PXK: variants seen among roughly 807,000 people sequenced by gnomAD.
PXK encodes the protein PX domain containing serine/threonine kinase like.
PXK carries 35 observed loss-of-function variants against 84.7 expected under a neutral mutation model. The ratio of observed to expected loss-of-function variants is 0.41; its 90% CI spans 0.32 to 0.55. The LOEUF is 0.55. PXK is among the 20% of genes least tolerant of loss of function. The pLI, the probability that PXK is intolerant of heterozygous loss-of-function variation, is 0.21. For missense variants in PXK, 634 were observed against 699.7 expected (o/e 0.91, Z 1.06); for synonymous variants, 253 against 260.8 (o/e 0.97, Z 0.29).
intron 7 of PXK, 67 bp from the exon 8 acceptor site, chr3:58,394,931 G>A: frequency 1.6e-6 from 2 of 1,214,698 alleles, no homozygotes; most frequent in East Asian, 4.7e-5. Context: ...TGCATAACCA[G>A]ATCCTGTATT....
Position 58,414,813 on chromosome 3 carries a change from T to A in PXK, c.1528+1850T>A, listed in dbSNP as rs964968110. 6.6e-6 allele frequency among the ~76,000 whole-genome samples: 1 copy of A among 152,204 alleles called. No homozygotes were observed. The highest frequency in any genetic ancestry group is 1.5e-5 in the Non-Finnish European group (1 of 68,040). The stretch of plus-strand genomic sequence containing the variant: ...TCTGCTGGGCATTTCCTGTAATGCA[T>A]CTCATGAAAATGGTAACTAATATTT... On this transcript the variant is annotated intron_variant, in intron 17 of 17. Coordinates refer to ENST00000356151, the MANE Select transcript of PXK (RefSeq NM_017771.5). The surrounding 1 kb of genome is among the most constrained non-coding windows in gnomAD (Gnocchi z 4.5).
chr3:58,361,123 C>G (rs985849041), intron 1 of PXK, among the ~76,000 whole-genome samples: 2 of 151,508 alleles, frequency 1.3e-5, no homozygotes, highest in African/African-American at 4.9e-5. Flanking sequence ...GTGGCGAAAC[C>G]CCGTCTCTAC....
intron 1 of PXK, among the ~76,000 whole-genome samples, chr3:58,334,953 G>GTC (rs34846127): frequency 0.21 from 28,463 of 132,462 alleles, 2,685 homozygotes; most frequent in Non-Finnish European, 0.24. Flanking sequence ...GTGTGTGTGT[G>GTC]TGTGTCTGTG....
intron 1 of PXK, among the ~76,000 whole-genome samples, chr3:58,354,822 G>A (rs1276995082): frequency 6.6e-6 from 1 of 152,036 alleles, no homozygotes; most frequent in East Asian, 1.9e-4. Context: ...GAACATTTAA[G>A]ACCTGCTGGC....
intron 1 of PXK, among the ~76,000 whole-genome samples, chr3:58,359,412 T>C (rs1474120668): frequency 6.6e-6 from 1 of 150,884 alleles, no homozygotes; most frequent in East Asian, 2.0e-4. Context: ...TGCCTGTAAA[T>C]CCCAGCTACT....
chr3:58,377,932 G>T (rs1459343706), intron 3 of PXK, among the ~76,000 whole-genome samples: 2 of 152,116 alleles, frequency 1.3e-5, no homozygotes, highest in Non-Finnish European at 2.9e-5. Flanking sequence ...TTCCAGCATT[G>T]GCAGTACCAG....
chr3:58,391,911 G>A (rs12492879), intron 7 of PXK, 64 bp downstream of exon 7: 25,689 of 1,436,836 alleles, frequency 0.018, 317 homozygotes, highest in Admixed American at 0.054. Flanking sequence ...TTTTCTGGGT[G>A]AACATGGACA....
In PXK at chr3:58,370,026, C is replaced by T. The variant is rs903360050; in HGVS notation, c.201+548C>T. Reference sequence around the variant, plus strand: ...AAGTATTATTGTGCCAGACTGTATTCTTACCACAGTCATAGGAGGCTGACG... The same window carrying T: ...AAGTATTATTGTGCCAGACTGTATTTTTACCACAGTCATAGGAGGCTGACG... On this transcript the variant is annotated intron_variant, in intron 3 of 17. Coordinates refer to ENST00000356151, the MANE Select transcript of PXK (RefSeq NM_017771.5). This position sits in a 1 kb window ranked among gnomAD's most constrained non-coding sequence, Gnocchi z 4.2. 3.3e-5 allele frequency among the ~76,000 whole-genome samples: 5 copies of T among 152,158 alleles called. No homozygotes were observed. The highest frequency in any genetic ancestry group is 7.4e-5 in the Non-Finnish European group (5 of 68,022).
intron 17 of PXK, chr3:58,422,794 C>T: frequency 1.0e-6 from 1 of 985,440 alleles, no homozygotes; most frequent in Non-Finnish European, 1.2e-6. Flanking sequence ...GCCTGGAGGG[C>T]TAGTCAGTCT....
chr3:58,372,865 T>C (rs1276144970), intron 3 of PXK, among the ~76,000 whole-genome samples: 1 of 152,032 alleles, frequency 6.6e-6, no homozygotes, highest in Non-Finnish European at 1.5e-5. Flanking sequence ...AGTGAGCATA[T>C]TTTGTGGAAA....
At chr3:58,336,071 A>ATATATATATATATATATATTTT (rs1284780630) in intron 1 of PXK, among the ~76,000 whole-genome samples, 3 of 51,564 alleles carry the variant, frequency 5.8e-5, no homozygotes, top group Non-Finnish European at 9.8e-5. Context: ...ATATATATAT[A>ATATATATATATATATATATTTT]TTTTTTTTTT....
At chr3:58,424,274 T>C (rs948730501) in intron 17 of PXK, among the ~76,000 whole-genome samples, 6 of 152,218 alleles carry the variant, frequency 3.9e-5, no homozygotes, top group Admixed American at 1.3e-4. Flanking sequence ...ACATTGTGTA[T>C]GTTGGAGCAG....
At chr3:58,336,065 ATATATATTT>A (rs1392976296) in intron 1 of PXK, among the ~76,000 whole-genome samples, 35 of 57,118 alleles carry the variant, frequency 6.1e-4, no homozygotes, top group African/African-American at 2.5e-3. Flanking sequence ...ATATATATAT[ATATATATTT>A]TTTTTTTTTT....
chr3:58,367,994 C>G (rs1336372748), intron 2 of PXK, among the ~76,000 whole-genome samples: 1 of 150,706 alleles, frequency 6.6e-6, no homozygotes, highest in Non-Finnish European at 1.5e-5. Flanking sequence ...CTTGTCTGTT[C>G]TTCTTTTTTT....
rs964091186 is a variant in PXK at position 58,385,816 on chromosome 3, G to A, written c.388+3116G>A. On this transcript the variant is annotated intron_variant, in intron 4 of 17. Coordinates refer to ENST00000356151, the MANE Select transcript of PXK (RefSeq NM_017771.5). This position sits in a 1 kb window ranked among gnomAD's most constrained non-coding sequence, Gnocchi z 5.1. ...GCCTGGCCCACTTTTCCCTTTTAAT[G>A]TGGATAATGTCTCCACCTCTTCTCA... Among the ~76,000 whole-genome samples, 3 of 152,020 alleles carry A rather than the reference G, an allele frequency of 2.0e-5. No homozygotes were observed. Among genetic ancestry groups the A allele is most frequent in the African/African-American group, 7.2e-5 (3 of 41,386 alleles).
rs1216330033 is a variant in PXK, at chr3:58,399,869, A to G, written c.1181+492A>G. Among the ~76,000 whole-genome samples the G allele has an allele frequency of 1.3e-5, 2 of 152,052 alleles. No individual in the cohort carries two copies. The highest frequency in any genetic ancestry group is 4.8e-5 in the African/African-American group (2 of 41,404). On this transcript the variant is annotated intron_variant, in intron 12 of 17. Transcript: ENST00000356151. This position sits in a 1 kb window ranked among gnomAD's most constrained non-coding sequence, Gnocchi z 4.3. ...TGAATTTACTCACTGGGTACTATTT[A>G]TTAAACTCTAGCATGTACCAGGCAC...
chr3:58,347,978 A>C (rs2097852580), intron 1 of PXK, among the ~76,000 whole-genome samples: 1 of 152,070 alleles, frequency 6.6e-6, no homozygotes. Flanking sequence ...CAGTGGTGTG[A>C]AGTTGGCTCA....
At chr3:58,422,158 A>G (rs2061984697) in intron 17 of PXK, 1 of 985,256 alleles carries the variant, frequency 1.0e-6, no homozygotes, top group Non-Finnish European at 1.2e-6. Flanking sequence ...TGGACCATGG[A>G]AAGGGCCAAA....
In PXK at chr3:58,409,282, C is replaced by T. The variant is rs915250239; in HGVS notation, c.1309-250C>T. Among the ~76,000 whole-genome samples the T allele has an allele frequency of 6.6e-6, 1 of 152,158 alleles. No homozygotes were observed. Among genetic ancestry groups the T allele is most frequent in the East Asian group, 1.9e-4 (1 of 5,192 alleles). On this transcript the variant is annotated intron_variant, in intron 14 of 17. Coordinates refer to ENST00000356151, the MANE Select transcript of PXK (RefSeq NM_017771.5). This position sits in a 1 kb window ranked among gnomAD's most constrained non-coding sequence, Gnocchi z 4.2. ...TAGTTGCGGGCATGCATGGTCCATG[C>T]TGTCTCACCACATTCTTCTTCTGTA...
Sources: gnomAD v4.1 joint callset for allele counts (sites outside exome capture counted in the v4.1 genomes callset) on GRCh38, gnomAD v4.1.1 for gene constraint, Gnocchi (gnomAD v3.1) non-coding constraint, MANE v1.5 for transcripts, NCBI Gene and HGNC (gene_info 2026-07-23, HGNC 2026-07-21) for gene names.